Variants in PBX3 observed in about 807,000 individuals in gnomAD.
PBX3 encodes PBX homeobox 3, also known as pre-B-cell leukemia transcription factor 3.
PBX3 carries 14 observed loss-of-function variants against 48.5 expected under a neutral mutation model. The observed-to-expected ratio is 0.29, with a 90% CI of 0.19 to 0.45. The LOEUF (loss-of-function observed/expected upper bound fraction) is 0.45, where lower values mean the gene tolerates loss of function less well. Ranked by LOEUF, PBX3 falls within the 20% of genes least tolerant of loss-of-function variation. The probability of loss-of-function intolerance (pLI) is 1.00; values close to 1 mark genes in which losing one functional copy is unlikely to be tolerated. For synonymous variants in PBX3, 210 were observed against 200.3 expected, an observed-to-expected ratio of 1.05 and a Z score of -0.41; for missense variants, 386 against 546.7, an observed-to-expected ratio of 0.71 and a Z score of 2.93.
chr9:125,965,901 T>G lies in PBX3; in HGVS notation c.1283T>G (p.Val428Gly). ...TCTCCTACAGAAGGCCCAGGAAGTG[T>G]GCACTCGGATACCTCTAACTAATCT... The part of the protein sequence containing the change: ...VTSPTEGPGS[V>G]HSDTSN Residue 428 changes from valine (V) to glycine (G), a missense_variant, in exon 9 of 9, where the codon GTG (valine) becomes GGG (glycine). By Grantham distance (109) the Val-to-Gly change is moderately radical. Coordinates refer to ENST00000373489, the MANE Select transcript of PBX3 (RefSeq NM_006195.6). 1 of 1,613,866 alleles carries G rather than the reference T, an allele frequency of 6.2e-7. No individual in the cohort carries two copies. The highest frequency in any genetic ancestry group is 8.5e-7 in the Non-Finnish European group (1 of 1,179,736).
At chr9:125,930,284 C>T (rs1462851282) in intron 4 of PBX3, among the ~76,000 whole-genome samples, 1 of 152,176 alleles carries the variant, frequency 6.6e-6, no homozygotes, top group East Asian at 1.9e-4. Context: ...ATAGCAGTTA[C>T]CACAAAACTC....
At chr9:125,958,371 GC>G (rs1842354268) in intron 5 of PBX3, among the ~76,000 whole-genome samples, 1 of 152,146 alleles carries the variant, frequency 6.6e-6, no homozygotes, top group Non-Finnish European at 1.5e-5. Flanking sequence ...CAGTTATAAT[GC>G]ACACCTGCTG....
intron 2 of PBX3, among the ~76,000 whole-genome samples, chr9:125,757,619 T>G (rs959413823): frequency 1.3e-5 from 2 of 152,200 alleles, no homozygotes; most frequent in Non-Finnish European, 2.9e-5. Context: ...TCAGTACTGG[T>G]AAGAACAAGT....
At chr9:125,956,255 C>A (rs753669198) in intron 5 of PBX3, among the ~76,000 whole-genome samples, 1 of 152,162 alleles carries the variant, frequency 6.6e-6, no homozygotes, top group South Asian at 2.1e-4. Context: ...TAGTAAATAG[C>A]AGAGCGTGAA....
intron 2 of PBX3, among the ~76,000 whole-genome samples, chr9:125,764,188 T>C (rs1028890257): frequency 2.0e-5 from 3 of 152,228 alleles, no homozygotes; most frequent in African/African-American, 7.2e-5. Context: ...CCCTGGTTTT[T>C]CTCAGTGAAT....
intron 2 of PBX3, among the ~76,000 whole-genome samples, chr9:125,774,230 A>C (rs1243121529): frequency 6.6e-6 from 1 of 151,732 alleles, no homozygotes; most frequent in East Asian, 1.9e-4. Context: ...TCTTGTGAAA[A>C]CTCTATCATG....
chr9:125,905,522 T>G (rs912196428), intron 2 of PBX3, among the ~76,000 whole-genome samples: 4 of 152,044 alleles, frequency 2.6e-5, no homozygotes, highest in African/African-American at 9.7e-5. Flanking sequence ...GTCAGATGTT[T>G]GTGAAAAATG....
At chr9:125,828,840 A>G (rs1045678901) in intron 2 of PBX3, among the ~76,000 whole-genome samples, 1 of 152,218 alleles carries the variant, frequency 6.6e-6, no homozygotes, top group Admixed American at 6.5e-5. Flanking sequence ...AAGTATTTCA[A>G]AACCTTTGAT....
At chr9:125,861,864 GGGT>G (rs2132291585) in intron 2 of PBX3, among the ~76,000 whole-genome samples, 1 of 152,314 alleles carries the variant, frequency 6.6e-6, no homozygotes, top group East Asian at 1.9e-4. Context: ...TTTTGAGAGA[GGGT>G]GATGAAAATG....
Position 125,964,118 on chromosome 9 carries a change from A to G in PBX3, c.1212+1017A>G, listed in dbSNP as rs77275117. On this transcript the variant is annotated intron_variant, in intron 8 of 8. Transcript: ENST00000373489. ...AAACTGTGATTGCCTGCAGCATTTT[A>G]CAGACATGAATTCCATCTTCACTGA... Among the ~76,000 whole-genome samples the G allele has an allele frequency of 3.8e-4, 58 of 152,374 alleles. 1 individual carries two copies. In the East Asian group the frequency reaches 9.8e-3, roughly 26 times the overall value.
chr9:125,915,952 C>G, intron 3 of PBX3, 25 bp downstream of exon 3: 3 of 1,606,676 alleles, frequency 1.9e-6, no homozygotes, highest in Non-Finnish European at 2.6e-6. Context: ...CTCTCATAGT[C>G]CTACACAAAC....
Position 125,763,882 on chromosome 9 carries a change from A to G in PBX3, c.274+15259A>G, listed in dbSNP as rs529021951. ...GTTTTTTTATTTCATAAATATTATG[A>G]TAAGCATAGATTAGATAGATTTTTT... On this transcript the variant is annotated intron_variant, in intron 2 of 8. Coordinates refer to ENST00000373489, the MANE Select transcript of PBX3 (RefSeq NM_006195.6). 2.0e-5 allele frequency among the ~76,000 whole-genome samples: 3 copies of G among 152,300 alleles called. No homozygotes were observed. The East Asian group carries it at 5.8e-4, about 29-fold the overall frequency.
intron 2 of PBX3, among the ~76,000 whole-genome samples, chr9:125,862,748 A>G (rs1564144602): frequency 6.6e-6 from 1 of 152,178 alleles, no homozygotes; most frequent in African/African-American, 2.4e-5. Context: ...AAAGGATGAT[A>G]TTGTATGGAA....
intron 5 of PBX3, among the ~76,000 whole-genome samples, chr9:125,953,174 T>G (rs1842228302): frequency 6.6e-6 from 1 of 152,056 alleles, no homozygotes; most frequent in African/African-American, 2.4e-5. Flanking sequence ...CTCTCTCTCT[T>G]TCTATTAATA....
chr9:125,822,954 T>A (rs1776073918), intron 2 of PBX3, among the ~76,000 whole-genome samples: 1 of 151,696 alleles, frequency 6.6e-6, no homozygotes, highest in African/African-American at 2.4e-5. Flanking sequence ...TGGGGTTTTT[T>A]AGTTTTTTTG....
intron 2 of PBX3, among the ~76,000 whole-genome samples, chr9:125,841,974 A>G (rs530685212): frequency 9.9e-5 from 15 of 152,152 alleles, no homozygotes; most frequent in African/African-American, 3.6e-4. Flanking sequence ...AAAAGACTAT[A>G]TTTTATCTGA....
intron 2 of PBX3, among the ~76,000 whole-genome samples, chr9:125,814,720 C>T (rs1838407757): frequency 1.3e-5 from 2 of 152,154 alleles, no homozygotes; most frequent in South Asian, 2.1e-4. Context: ...CTGTATTGGC[C>T]TTTTACTTCT....
chr9:125,773,643 G>A (rs948115302), intron 2 of PBX3, among the ~76,000 whole-genome samples: 1 of 152,162 alleles, frequency 6.6e-6, no homozygotes, highest in Non-Finnish European at 1.5e-5. Flanking sequence ...AAACAAGGGC[G>A]TCTGTTTCTA....
At chr9:125,889,173 G>A (rs991273366) in intron 2 of PBX3, among the ~76,000 whole-genome samples, 1 of 152,210 alleles carries the variant, frequency 6.6e-6, no homozygotes, top group African/African-American at 2.4e-5. Flanking sequence ...CTTAATTTCA[G>A]TTAAGTGTGG....
Sources: gnomAD v4.1 joint callset for allele counts (sites outside exome capture counted in the v4.1 genomes callset) on GRCh38, gnomAD v4.1.1 for gene constraint, MANE v1.5 for transcripts, NCBI Gene and HGNC (gene_info 2026-07-23, HGNC 2026-07-21) for gene names.